The following GALNTL6 variants were observed in gnomAD, a reference collection of about 807,000 sequenced individuals.
The protein encoded by GALNTL6 is polypeptide N-acetylgalactosaminyltransferase-like 6.
A neutral mutation model predicts 73.7 loss-of-function variants in GALNTL6; 46 were observed. The ratio of observed to expected loss-of-function variants is 0.62; its 90% CI spans 0.49 to 0.80. The LOEUF (loss-of-function observed/expected upper bound fraction) is 0.80. Among genes scored for constraint, GALNTL6 ranks in the 30% least tolerant of loss-of-function variants. GALNTL6 has a pLI of 0.00. For synonymous variants in GALNTL6, 259 were observed against 263.7 expected (o/e 0.98, Z 0.17); for missense variants, 604 against 755.0 (o/e 0.80, Z 2.34).
At chr4:172,411,840 C>T (rs1744448682) in intron 5 of GALNTL6, among the ~76,000 whole-genome samples, 1 of 151,928 alleles carries the variant, frequency 6.6e-6, no homozygotes, top group South Asian at 2.1e-4. Flanking sequence ...TTTATAGGCC[C>T]TGGGGATAAA....
At chr4:173,013,397 T>C (rs1418237293) in intron 11 of GALNTL6, among the ~76,000 whole-genome samples, 1 of 152,190 alleles carries the variant, frequency 6.6e-6, no homozygotes, top group Non-Finnish European at 1.5e-5. Flanking sequence ...AAGCAGGCCT[T>C]AATGTCTGAA....
intron 3 of GALNTL6, among the ~76,000 whole-genome samples, chr4:172,301,305 G>A (rs1739909072): frequency 6.6e-6 from 1 of 152,080 alleles, no homozygotes; most frequent in South Asian, 2.1e-4. Flanking sequence ...TCTTTGCCAT[G>A]GGTTCGAACT....
chr4:172,967,410 A>C (rs1579721327), intron 10 of GALNTL6, among the ~76,000 whole-genome samples: 1 of 152,228 alleles, frequency 6.6e-6, no homozygotes, highest in Admixed American at 6.5e-5. Flanking sequence ...CTAGCACAGG[A>C]AGGACAAATC....
At chr4:172,061,402 T>C (rs1389478240) in intron 2 of GALNTL6, among the ~76,000 whole-genome samples, 1 of 152,312 alleles carries the variant, frequency 6.6e-6, no homozygotes, top group African/African-American at 2.4e-5. Context: ...TCAGCAGCCC[T>C]AGTCATATAT....
chr4:172,490,688 A>C (rs1733865346), intron 5 of GALNTL6, among the ~76,000 whole-genome samples: 1 of 152,134 alleles, frequency 6.6e-6, no homozygotes, highest in Non-Finnish European at 1.5e-5. Context: ...TAACAACAAC[A>C]CTCTGTGGTG....
At chr4:172,549,256 A>C (rs1316139942) in intron 5 of GALNTL6, among the ~76,000 whole-genome samples, 1 of 152,148 alleles carries the variant, frequency 6.6e-6, no homozygotes, top group African/African-American at 2.4e-5. Flanking sequence ...TGGTCAGTAG[A>C]TTGCAGGCCT....
chr4:172,637,557 T>C (rs1378679729), intron 5 of GALNTL6, among the ~76,000 whole-genome samples: 1 of 152,178 alleles, frequency 6.6e-6, no homozygotes, highest in African/African-American at 2.4e-5. Context: ...AAGTTTATTA[T>C]TGAAAGCATA....
intron 10 of GALNTL6, among the ~76,000 whole-genome samples, chr4:172,983,795 C>T (rs907348145): frequency 6.6e-6 from 1 of 152,086 alleles, no homozygotes; most frequent in African/African-American, 2.4e-5. Context: ...TAGGGCCTAC[C>T]GCTGCAAACT....
intron 5 of GALNTL6, among the ~76,000 whole-genome samples, chr4:172,799,334 A>T (rs565746469): frequency 6.6e-6 from 1 of 152,348 alleles, no homozygotes; most frequent in African/African-American, 2.4e-5. Flanking sequence ...AGTGGGGGGA[A>T]AAATTACAAG....
intron 2 of GALNTL6, among the ~76,000 whole-genome samples, chr4:171,995,896 C>A (rs1452237909): frequency 6.6e-5 from 10 of 151,948 alleles, no homozygotes; most frequent in Admixed American, 6.6e-4. Flanking sequence ...TAACATCTGA[C>A]AAAAGTTGAT....
At chr4:172,298,993 G>A (rs551983503) in intron 3 of GALNTL6, among the ~76,000 whole-genome samples, 1 of 152,108 alleles carries the variant, frequency 6.6e-6, no homozygotes, top group Non-Finnish European at 1.5e-5. Context: ...AATCCATCTG[G>A]TCCTGGACTT....
At chr4:172,333,206 G>A (rs1403835612) in intron 4 of GALNTL6, among the ~76,000 whole-genome samples, 1 of 152,110 alleles carries the variant, frequency 6.6e-6, no homozygotes, top group Non-Finnish European at 1.5e-5. Flanking sequence ...GGGAGTTCGA[G>A]ACCAGCCTGA....
intron 6 of GALNTL6, 36 bp from the exon 7 acceptor site, chr4:172,813,504 G>T (rs749959462): frequency 6.5e-6 from 10 of 1,539,104 alleles, no homozygotes; most frequent in African/African-American, 1.4e-5. Context: ...ACCTAGGCAG[G>T]CATGTCATTT....
rs182867325 is a variant in GALNTL6, at chr4:173,040,194, G to C, written c.*94G>C. The stretch of plus-strand genomic sequence containing the variant: ...AAGGAGTCAGGAATAACATTTCCTC[G>C]ATCCAGGAAGGCTGGTTTAAAAATT... On this transcript the variant is annotated 3_prime_UTR_variant, in exon 13 of 13. Transcript: ENST00000506823. The C allele has an allele frequency of 6.9e-4, 638 of 921,812 alleles. 3 individuals carry two copies. In the African/African-American group the frequency reaches 7.1e-3, roughly 10 times the overall value. The allele number at this position is 921,812 out of a possible 1,614,324, so 57.1% of individuals were successfully genotyped here.
At chr4:172,912,502 G>A (rs1386893400) in intron 8 of GALNTL6, among the ~76,000 whole-genome samples, 1 of 152,188 alleles carries the variant, frequency 6.6e-6, no homozygotes, top group Non-Finnish European at 1.5e-5. Flanking sequence ...CTGCAAAATA[G>A]GACACTCCCA....
chr4:172,228,752 C>T (rs941684745), intron 2 of GALNTL6, among the ~76,000 whole-genome samples: 32 of 152,098 alleles, frequency 2.1e-4, no homozygotes, highest in Admixed American at 1.8e-3. Flanking sequence ...TTTACATTAT[C>T]TTGACTACAA....
At chr4:172,186,690 C>G (rs1247999107) in intron 2 of GALNTL6, among the ~76,000 whole-genome samples, 1 of 152,006 alleles carries the variant, frequency 6.6e-6, no homozygotes, top group Non-Finnish European at 1.5e-5. Flanking sequence ...AGGTCATATA[C>G]TATATCATTT....
chr4:172,473,211 T>A (rs926386510), intron 5 of GALNTL6, among the ~76,000 whole-genome samples: 2 of 152,052 alleles, frequency 1.3e-5, no homozygotes, highest in Admixed American at 1.3e-4. Flanking sequence ...TACTCAAGAC[T>A]CCAATATTTC....
chr4:172,371,370 G>T (rs1742803120), intron 5 of GALNTL6, among the ~76,000 whole-genome samples: 1 of 152,248 alleles, frequency 6.6e-6, no homozygotes, highest in African/African-American at 2.4e-5. Context: ...ATTGGCCTCA[G>T]TGCTTTCGGG....
Sources: gnomAD v4.1 joint callset for allele counts (sites outside exome capture counted in the v4.1 genomes callset) on GRCh38, gnomAD v4.1.1 for gene constraint, MANE v1.5 for transcripts, NCBI Gene and HGNC (gene_info 2026-07-23, HGNC 2026-07-21) for gene names.